The following LRRN2 variants were observed in gnomAD, a reference collection of about 807,000 sequenced individuals.
LRRN2 encodes the protein leucine rich repeat neuronal 2, also known as leucine-rich repeat neuronal protein 2.
LRRN2 carries 10 observed loss-of-function variants against 35.7 expected under a neutral mutation model. The observed-to-expected ratio is 0.28, with a 90% CI of 0.17 to 0.47. The LOEUF (loss-of-function observed/expected upper bound fraction) is 0.47. Ranked by LOEUF, LRRN2 falls within the 20% of genes least tolerant of loss-of-function variation. The pLI, the probability that LRRN2 is intolerant of heterozygous loss-of-function variation, is 0.99. For missense variants in LRRN2, 731 were observed against 940.3 expected, an observed-to-expected ratio of 0.78 and a Z score of 2.91; for synonymous variants, 391 against 409.6, an observed-to-expected ratio of 0.95 and a Z score of 0.55.
rs758377867 is a variant in LRRN2 at position 204,619,745 on chromosome 1, C to T, written c.248G>A (p.Arg83His). ...GTAGCCCAGCTCACTCTGGTCCACA[C>T]GGACAATGCTGTTGCTCTGCAGGAG... is the stretch of plus-strand genomic sequence containing the variant. The part of the protein sequence containing the change: ...TLLLQSNSIV[R>H]VDQSELGYLA... The change falls in exon 2 of 2, where the codon CGT (arginine) becomes CAT (histidine). Residue 83 changes from arginine (R) to histidine (H), a missense_variant. Arg to His is a conservative substitution (Grantham distance 29). Transcript: ENST00000367177. 1.4e-5 allele frequency: 23 copies of T among 1,614,218 alleles called. No homozygotes were observed. Among genetic ancestry groups the T allele is most frequent in the South Asian group, 1.3e-4 (12 of 91,082 alleles).
intron 1 of LRRN2, among the ~76,000 whole-genome samples, chr1:204,632,210 G>A (rs948545786): frequency 1.3e-5 from 2 of 152,130 alleles, no homozygotes; most frequent in Admixed American, 6.5e-5. Context: ...CTACAGCCTT[G>A]GCAACAGAGC....
chr1:204,649,412 A>C (rs4951091), intron 1 of LRRN2, among the ~76,000 whole-genome samples: 92,136 of 151,862 alleles, frequency 0.61, 28,364 homozygotes, highest in East Asian at 0.87. Context: ...GAACGAATGG[A>C]TGTGCACATG....
At chr1:204,648,648 T>G (rs1668160766) in intron 1 of LRRN2, among the ~76,000 whole-genome samples, 1 of 152,110 alleles carries the variant, frequency 6.6e-6, no homozygotes, top group African/African-American at 2.4e-5. Context: ...TACTTTTTGG[T>G]TAGGTTGGTT....
intron 1 of LRRN2, among the ~76,000 whole-genome samples, chr1:204,626,048 A>G (rs866714477): frequency 9.9e-5 from 15 of 152,172 alleles, no homozygotes; most frequent in African/African-American, 3.1e-4. Flanking sequence ...AGGCAAGAGG[A>G]TGGATTGGGG....
rs572620899 is a variant in LRRN2, at chr1:204,661,022, A to G, written c.-227+24298T>C. Among the ~76,000 whole-genome samples, 180 of 152,148 alleles carry G rather than the reference A, an allele frequency of 1.2e-3. 1 individual carries two copies. The highest frequency in any genetic ancestry group is 2.2e-3 in the Non-Finnish European group (147 of 68,026). On this transcript the variant is annotated intron_variant, in intron 1 of 1. Coordinates refer to ENST00000367177, the MANE Select transcript of LRRN2 (RefSeq NM_201630.2). ...CCGAATGTGATCTCCCCAAGGCCTG[A>G]GGAGGGGAGGATGGAGGAAACTGCA...
chr1:204,624,754 C>G (rs571895278), intron 1 of LRRN2, among the ~76,000 whole-genome samples: 5 of 78,562 alleles, frequency 6.4e-5, no homozygotes, highest in Admixed American at 1.3e-4. Flanking sequence ...GTTCCCCCCC[C>G]ACCCCCCCCC....
At chr1:204,647,045 G>T (rs1668120889) in intron 1 of LRRN2, among the ~76,000 whole-genome samples, 1 of 152,082 alleles carries the variant, frequency 6.6e-6, no homozygotes, top group African/African-American at 2.4e-5. Flanking sequence ...GAGCCTCCAC[G>T]AGTGTGGCTG....
intron 1 of LRRN2, chr1:204,629,299 T>A (rs1439892719): frequency 6.6e-6 from 1 of 152,296 alleles, no homozygotes; most frequent in Non-Finnish European, 1.5e-5. Flanking sequence ...GCTGCACCCC[T>A]ATGTGGTCTT....
At chr1:204,649,719 G>T (rs1394640063) in intron 1 of LRRN2, among the ~76,000 whole-genome samples, 1 of 152,178 alleles carries the variant, frequency 6.6e-6, no homozygotes, top group Non-Finnish European at 1.5e-5. Flanking sequence ...ACTGGAGTTA[G>T]ACTAAATGGT....
chr1:204,665,514 T>G (rs1668559173), intron 1 of LRRN2, among the ~76,000 whole-genome samples: 1 of 152,200 alleles, frequency 6.6e-6, no homozygotes, highest in African/African-American at 2.4e-5. Flanking sequence ...TTACCCTTTT[T>G]ATCTGTCCCT....
chr1:204,634,478 G>T (rs1234373701), intron 1 of LRRN2, among the ~76,000 whole-genome samples: 3 of 152,204 alleles, frequency 2.0e-5, no homozygotes, highest in Non-Finnish European at 2.9e-5. Context: ...AGGGTCTGAA[G>T]ATGTAATCAT....
At chr1:204,667,727 G>GT (rs1367615940) in intron 1 of LRRN2, among the ~76,000 whole-genome samples, 1 of 152,148 alleles carries the variant, frequency 6.6e-6, no homozygotes, top group Non-Finnish European at 1.5e-5. Context: ...TTGAAGTCTG[G>GT]TAAGAGTCAG....
intron 1 of LRRN2, among the ~76,000 whole-genome samples, chr1:204,634,432 C>A (rs889287010): frequency 1.3e-5 from 2 of 152,162 alleles, no homozygotes; most frequent in South Asian, 2.1e-4. Context: ...GAAGTCCTAA[C>A]CCCCAGTACC....
At chr1:204,667,001 A>T (rs1668586970) in intron 1 of LRRN2, among the ~76,000 whole-genome samples, 1 of 151,458 alleles carries the variant, frequency 6.6e-6, no homozygotes, top group Admixed American at 6.6e-5. Context: ...ACAGCAAAAA[A>T]TTACAGACTC....
intron 1 of LRRN2, among the ~76,000 whole-genome samples, chr1:204,633,730 A>T (rs1667764954): frequency 6.6e-6 from 1 of 152,180 alleles, no homozygotes. Context: ...CCCCGATCCC[A>T]CATCACCCTC....
chr1:204,665,725 G>A lies in LRRN2; in HGVS notation c.-227+19595C>T, dbSNP rs188951640. 6.6e-5 allele frequency among the ~76,000 whole-genome samples: 10 copies of A among 152,292 alleles called. No individual in the cohort carries two copies. The East Asian group carries it at 1.7e-3, about 26-fold the overall frequency. On this transcript the variant is annotated intron_variant, in intron 1 of 1. Transcript: ENST00000367177. The stretch of plus-strand genomic sequence containing the variant: ...GCTCAAGCAAGCCCATCTCCTGGGC[G>A]CTGTGCCCAGGACAGAGACTAGTCC...
At position 204,617,700 on chromosome 1, in the gene LRRN2, G is replaced by A; in HGVS notation, c.*151C>T. 2 of 865,748 alleles carry A rather than the reference G, an allele frequency of 2.3e-6. No homozygotes were observed. The highest frequency in any genetic ancestry group is 2.4e-5 in the East Asian group (1 of 41,166). The allele number at this position is 865,748 out of a possible 1,614,324, so 53.6% of individuals were successfully genotyped here. A position where few individuals can be genotyped will look rare whatever the true frequency, so the allele number is the denominator to read the frequency against. The stretch of plus-strand genomic sequence containing the variant: ...TCGAGGCTGCAGAAGCACCCCCAGG[G>A]CCACAAAGCCCCATCTGTCTTGGCC... On this transcript the variant is annotated 3_prime_UTR_variant, in exon 2 of 2. Transcript: ENST00000367177.
At chr1:204,635,923 C>T (rs1667821900) in intron 1 of LRRN2, among the ~76,000 whole-genome samples, 1 of 152,168 alleles carries the variant, frequency 6.6e-6, no homozygotes, top group Non-Finnish European at 1.5e-5. Flanking sequence ...GGCACATCGC[C>T]CTCACAGGGA....
rs1451970107 is a variant in LRRN2 at position 204,619,980 on chromosome 1, C to T, written c.13G>A (p.Val5Met). ...ACCCAAGCTAGCAAGAGTGGGGCCACGAGAAGCCTCATGGTGGAGCTGCAG... is the reference window on the plus strand; with the variant it reads ...ACCCAAGCTAGCAAGAGTGGGGCCATGAGAAGCCTCATGGTGGAGCTGCAG... MRLL[V>M]APLLLAWVAG... Residue 5 changes from valine (V) to methionine (M), a missense_variant, in exon 2 of 2, where the codon GTG (valine) becomes ATG (methionine). Val to Met is a conservative substitution (Grantham distance 21). Transcript: ENST00000367177. The T allele has an allele frequency of 4.3e-6, 7 of 1,609,380 alleles. No homozygotes were observed. Among genetic ancestry groups the T allele is most frequent in the East Asian group, 2.2e-5 (1 of 44,738 alleles).
Sources: allele counts gnomAD v4.1 joint callset (sites outside exome capture counted in the v4.1 genomes callset), GRCh38; gene constraint gnomAD v4.1.1; transcripts MANE v1.5; gene names NCBI Gene and HGNC (gene_info 2026-07-23, HGNC 2026-07-21).